The following SUSD4 variants were observed in gnomAD, a reference collection of about 807,000 sequenced individuals.
SUSD4 encodes the protein sushi domain-containing protein 4.
SUSD4 carries 41 observed loss-of-function variants against 50.5 expected under a neutral mutation model. That is an observed-to-expected ratio of 0.81 (90% CI 0.63 to 1.05). The LOEUF is 1.05. Among genes scored for constraint, SUSD4 ranks in the 50% least tolerant of loss-of-function variants. The pLI, the probability that SUSD4 is intolerant of heterozygous loss-of-function variation, is 0.00. For missense variants in SUSD4, 580 were observed against 634.7 expected (o/e 0.91, Z 0.93); for synonymous variants, 257 against 257.3 (o/e 1.00, Z 0.01).
At chr1:223,324,686 G>A (rs1382829746) in intron 2 of SUSD4, among the ~76,000 whole-genome samples, 1 of 150,420 alleles carries the variant, frequency 6.6e-6, no homozygotes, top group Non-Finnish European at 1.5e-5. Flanking sequence ...TTATCTAGTA[G>A]GGCAGCAAAC....
intron 8 of SUSD4, among the ~76,000 whole-genome samples, chr1:223,222,776 C>G (rs1270586849): frequency 6.6e-6 from 1 of 152,212 alleles, no homozygotes; most frequent in Non-Finnish European, 1.5e-5. Context: ...AAAATAACTT[C>G]TATGTACACA....
At chr1:223,340,599 G>A (rs913823686) in intron 2 of SUSD4, among the ~76,000 whole-genome samples, 3 of 152,196 alleles carry the variant, frequency 2.0e-5, no homozygotes, top group Non-Finnish European at 4.4e-5. Flanking sequence ...GCTTCTGTCC[G>A]CAGTCATGAT....
intron 5 of SUSD4, among the ~76,000 whole-genome samples, chr1:223,238,305 T>C (rs985278863): frequency 3.3e-5 from 5 of 151,708 alleles, no homozygotes; most frequent in African/African-American, 1.2e-4. Context: ...GCTTTTGACT[T>C]TGTTGATTGT....
intron 2 of SUSD4, among the ~76,000 whole-genome samples, chr1:223,340,388 G>C (rs1461426295): frequency 2.0e-5 from 3 of 152,198 alleles, no homozygotes; most frequent in Non-Finnish European, 4.4e-5. Flanking sequence ...CCCTGACCCA[G>C]TGAGACCTCT....
chr1:223,265,042 G>A lies in SUSD4; in HGVS notation c.536-224C>T, dbSNP rs141129232. On this transcript the variant is annotated intron_variant, in intron 4 of 8. Transcript: ENST00000366878. ...TTTGAAAATGGCACCAAGAGGGTCA[G>A]AGGAGTAGTTAAGACAGAGGGAGGG... is the stretch of plus-strand genomic sequence containing the variant. Among the ~76,000 whole-genome samples the A allele has an allele frequency of 3.0e-3, 453 of 152,384 alleles. 2 individuals are homozygous for A. The highest frequency in any genetic ancestry group is 6.8e-3 in the Middle Eastern group (2 of 294).
chr1:223,351,827 A>G (rs1345453377), intron 2 of SUSD4, among the ~76,000 whole-genome samples: 1 of 152,164 alleles, frequency 6.6e-6, no homozygotes, highest in African/African-American at 2.4e-5. Flanking sequence ...TACTGAAAGA[A>G]TAGTTTCAAT....
chr1:223,289,479 G>A (rs2253649), intron 3 of SUSD4, among the ~76,000 whole-genome samples: 6,195 of 152,194 alleles, frequency 0.041, 402 homozygotes, highest in African/African-American at 0.14. Context: ...GGATCTGTGC[G>A]CACCCAAGAG....
In SUSD4 at chr1:223,332,667, G is replaced by T. The variant is rs1357133500; in HGVS notation, c.148+30611C>A. On this transcript the variant is annotated intron_variant, in intron 2 of 8. Coordinates refer to ENST00000366878, the MANE Select transcript of SUSD4 (RefSeq NM_017982.4). The surrounding 1 kb of genome is among the most constrained non-coding windows in gnomAD (Gnocchi z 4.0). ...AATTCTGCAATTCTCAGTGACTGCGGGTAGCCGTGGGGAGACAGGCATCTC... is the reference window on the plus strand; with the variant it reads ...AATTCTGCAATTCTCAGTGACTGCGTGTAGCCGTGGGGAGACAGGCATCTC... Among the ~76,000 whole-genome samples, 1 of 152,128 alleles carries T rather than the reference G, an allele frequency of 6.6e-6. No individual in the cohort carries two copies. Among genetic ancestry groups the T allele is most frequent in the African/African-American group, 2.4e-5 (1 of 41,418 alleles).
intron 2 of SUSD4, among the ~76,000 whole-genome samples, chr1:223,341,321 C>T (rs182089900): frequency 1.2e-4 from 19 of 152,300 alleles, no homozygotes; most frequent in East Asian, 3.9e-4. Flanking sequence ...CAGCATCTGA[C>T]GCGGGCAGCC....
intron 2 of SUSD4, among the ~76,000 whole-genome samples, chr1:223,302,298 T>G (rs1054985597): frequency 6.6e-6 from 1 of 152,218 alleles, no homozygotes; most frequent in Non-Finnish European, 1.5e-5. Flanking sequence ...TAAGTATGTC[T>G]TTATAGCAGT....
At chr1:223,345,880 C>T (rs1488660268) in intron 2 of SUSD4, among the ~76,000 whole-genome samples, 1 of 152,152 alleles carries the variant, frequency 6.6e-6, no homozygotes, top group African/African-American at 2.4e-5. Context: ...GAAATGTGCA[C>T]CCTGGCTTTC....
chr1:223,264,647 C>CGGG lies in SUSD4; in HGVS notation c.704_706dup (p.Pro235dup). 6.2e-7 allele frequency: 1 copy of CGGG among 1,613,892 alleles called. No homozygotes were observed. Among genetic ancestry groups the CGGG allele is most frequent in the African/African-American group, 1.3e-5 (1 of 75,006 alleles). On this transcript the variant is annotated inframe_insertion, in exon 5 of 9. Coordinates refer to ENST00000366878, the MANE Select transcript of SUSD4 (RefSeq NM_017982.4). ...TGTGTTACCTTCCAGAGCAAGGCACCGGGGTGGGCTGGACGACCAGATAAG... is the reference window on the plus strand; with the variant it reads ...TGTGTTACCTTCCAGAGCAAGGCACCGGGGGGGTGGGCTGGACGACCAGATAAG...
chr1:223,341,322 G>A (rs984351228), intron 2 of SUSD4, among the ~76,000 whole-genome samples: 9 of 152,148 alleles, frequency 5.9e-5, no homozygotes, highest in Admixed American at 2.0e-4. Flanking sequence ...AGCATCTGAC[G>A]CGGGCAGCCT....
chr1:223,292,734 G>C lies in SUSD4; in HGVS notation c.149-83C>G, dbSNP rs1320459622. On this transcript the variant is annotated intron_variant, in intron 2 of 8. Transcript: ENST00000366878. ...CCTTCCTACATAAATGGCAGACCCT[G>C]CATGATGTCATACGCCTTGGACACT... is the stretch of plus-strand genomic sequence containing the variant. The C allele has an allele frequency of 2.8e-6, 4 of 1,433,096 alleles. No individual in the cohort carries two copies. The Admixed American group carries it at 5.9e-5, about 21-fold the overall frequency. The allele number at this position is 1,433,096 out of a possible 1,614,324, so 88.8% of individuals were successfully genotyped here.
intron 2 of SUSD4, among the ~76,000 whole-genome samples, chr1:223,293,862 C>A (rs146636118): frequency 1.3e-5 from 2 of 152,026 alleles, no homozygotes; most frequent in East Asian, 3.9e-4. Flanking sequence ...ACTTGGGACA[C>A]TTGAGTTCCA....
chr1:223,327,124 A>G (rs1666919823), intron 2 of SUSD4, among the ~76,000 whole-genome samples: 1 of 152,248 alleles, frequency 6.6e-6, no homozygotes, highest in African/African-American at 2.4e-5. Flanking sequence ...AATATTGCAT[A>G]TATACACCAT....
Position 223,364,154 on chromosome 1 carries a change from C to G in SUSD4, c.-133G>C, listed in dbSNP as rs1327682335. On this transcript the variant is annotated 5_prime_UTR_variant, in exon 1 of 9. Coordinates refer to ENST00000366878, the MANE Select transcript of SUSD4 (RefSeq NM_017982.4). The surrounding 1 kb of genome is among the most constrained non-coding windows in gnomAD (Gnocchi z 4.5). The stretch of plus-strand genomic sequence containing the variant: ...CGCGACCTCTGCTGCCGCCGCTGCG[C>G]GAGCGAGCGAGACGGAAGCTTCGGC... 1 of 152,046 alleles carries G rather than the reference C, an allele frequency of 6.6e-6. No homozygotes were observed. Among genetic ancestry groups the G allele is most frequent in the African/African-American group, 2.4e-5 (1 of 41,310 alleles). 9.4% of individuals were successfully genotyped at this position (152,046 alleles called of 1,614,324 possible). A position where few individuals can be genotyped will look rare whatever the true frequency, so the allele number is the denominator to read the frequency against.
intron 2 of SUSD4, among the ~76,000 whole-genome samples, chr1:223,329,292 G>T (rs2103266841): frequency 6.6e-6 from 1 of 152,286 alleles, no homozygotes; most frequent in African/African-American, 2.4e-5. Flanking sequence ...TACTCAAGTT[G>T]TCCTATTCTT....
At chr1:223,337,093 G>A (rs138007923) in intron 2 of SUSD4, among the ~76,000 whole-genome samples, 80 of 152,272 alleles carry the variant, frequency 5.3e-4, no homozygotes, top group Admixed American at 8.5e-4. Context: ...CACAGGCACC[G>A]TAATTTGTTC....
Sources: gnomAD v4.1 joint callset for allele counts (sites outside exome capture counted in the v4.1 genomes callset) on GRCh38, gnomAD v4.1.1 for gene constraint, Gnocchi (gnomAD v3.1) non-coding constraint, MANE v1.5 for transcripts, NCBI Gene and HGNC (gene_info 2026-07-23, HGNC 2026-07-21) for gene names.